The following PIKFYVE variants were observed in gnomAD, a reference collection of about 807,000 sequenced individuals.
The protein encoded by PIKFYVE is phosphoinositide kinase, FYVE-type zinc finger containing, also known as 1-phosphatidylinositol 3-phosphate 5-kinase.
Under a neutral mutation model 257.9 loss-of-function variants are expected in PIKFYVE, and 122 were observed. The ratio of observed to expected loss-of-function variants is 0.47; its 90% CI spans 0.41 to 0.55. PIKFYVE has a LOEUF of 0.55. Among genes scored for constraint, PIKFYVE ranks in the 20% least tolerant of loss-of-function variants. The pLI is 0.00. For missense variants in PIKFYVE, 2,160 were observed against 2,536.6 expected (o/e 0.85, Z 3.19); for synonymous variants, 892 against 868.9 (o/e 1.03, Z -0.47).
At chr2:208,326,682 G>A (rs947465482) in intron 20 of PIKFYVE, among the ~76,000 whole-genome samples, 8 of 152,230 alleles carry the variant, frequency 5.3e-5, no homozygotes, top group Non-Finnish European at 7.3e-5. Context: ...GATCCCTGAA[G>A]TAAGGGGAAA....
At chr2:208,273,767 A>T in intron 3 of PIKFYVE, 34 bp downstream of exon 3, 1 of 1,611,858 alleles carries the variant, frequency 6.2e-7, no homozygotes, top group South Asian at 1.1e-5. Context: ...TCCCTTCTAT[A>T]TGCTAGATTT....
intron 6 of PIKFYVE, among the ~76,000 whole-genome samples, chr2:208,287,911 A>C (rs555094830): frequency 6.7e-6 from 1 of 149,928 alleles, no homozygotes; most frequent in African/African-American, 2.4e-5. Context: ...ACATTGCTTC[A>C]TGAATACTTT....
At chr2:208,287,636 T>A (rs542711642) in intron 6 of PIKFYVE, among the ~76,000 whole-genome samples, 14 of 152,168 alleles carry the variant, frequency 9.2e-5, no homozygotes, top group Non-Finnish European at 1.9e-4. Flanking sequence ...AGTCTCGCTC[T>A]GTCACCCAGG....
At position 208,315,232 on chromosome 2, in the gene PIKFYVE, G is replaced by T; in HGVS notation, c.1866G>T (p.Gln622His). The T allele has an allele frequency of 6.2e-7, 1 of 1,614,102 alleles. No individual in the cohort carries two copies. The highest frequency in any genetic ancestry group is 8.5e-7 in the Non-Finnish European group (1 of 1,179,992). The part of the protein sequence containing the change: ...NHNHMMALLQ[Q>H]LLHSDSLSSS... ...ACCACATGATGGCACTACTCCAGCA[G>T]TTGCTCCATAGTGACTCACTGTCAT... is the stretch of plus-strand genomic sequence containing the variant. The change falls in exon 15 of 42, where the codon CAG becomes CAT. Residue 622 changes from glutamine (Q) to histidine (H), a missense_variant. This residue lies in a region of PIKFYVE where 346 missense variants were observed against 365.6 expected (regional missense o/e 0.95). Transcript: ENST00000264380.
chr2:208,330,760 T>TC, intron 23 of PIKFYVE, 66 bp downstream of exon 23: 2 of 1,357,134 alleles, frequency 1.5e-6, no homozygotes, highest in South Asian at 1.3e-5. Context: ...TTTTTTTTTT[T>TC]CCTGAGGAGG....
Position 208,305,210 on chromosome 2 carries a change from T to C in PIKFYVE, c.1636+197T>C, listed in dbSNP as rs1694180675. Reference sequence around the variant, plus strand: ...TGGTTGATTCCTTTTATTTCTTGTTTTCTCCCTCAGCACCACCATGCCCAG... The same window carrying C: ...TGGTTGATTCCTTTTATTTCTTGTTCTCTCCCTCAGCACCACCATGCCCAG... On this transcript the variant is annotated intron_variant, in intron 12 of 41. Transcript: ENST00000264380. 1.2e-5 allele frequency: 18 copies of C among 1,473,804 alleles called. No individual in the cohort carries two copies. In the South Asian group the frequency reaches 2.4e-4, roughly 20 times the overall value. 91.3% of individuals were successfully genotyped at this position (1,473,804 alleles called of 1,614,324 possible).
At chr2:208,342,422 A>T in intron 31 of PIKFYVE, 132 bp from the exon 32 acceptor site, 1 of 698,720 alleles carries the variant, frequency 1.4e-6, no homozygotes, top group Non-Finnish European at 2.4e-6. Flanking sequence ...ATTGCCTTCA[A>T]AAACTTTCTC....
At chr2:208,348,114 C>T in intron 35 of PIKFYVE, 91 bp downstream of exon 35, 4 of 1,493,912 alleles carry the variant, frequency 2.7e-6, no homozygotes, top group Non-Finnish European at 3.7e-6. Context: ...ATAGATAATT[C>T]TTAGTGCTGA....
chr2:208,309,576 C>T (rs183781692), intron 12 of PIKFYVE, among the ~76,000 whole-genome samples: 4 of 152,162 alleles, frequency 2.6e-5, no homozygotes, highest in Non-Finnish European at 5.9e-5. Flanking sequence ...ATCTGAAAAC[C>T]ATGCTAAGGA....
intron 7 of PIKFYVE, among the ~76,000 whole-genome samples, chr2:208,295,458 C>A (rs1692847902): frequency 6.6e-6 from 1 of 152,152 alleles, no homozygotes; most frequent in African/African-American, 2.4e-5. Context: ...TGATGCAGTT[C>A]AGAATCATAT....
chr2:208,279,427 G>GT (rs1002215843), intron 5 of PIKFYVE, among the ~76,000 whole-genome samples: 41 of 152,070 alleles, frequency 2.7e-4, no homozygotes, highest in African/African-American at 9.2e-4. Flanking sequence ...GTCAATTTTT[G>GT]TTTTTGTTGC....
intron 14 of PIKFYVE, 41 bp downstream of exon 14, chr2:208,314,464 T>C (rs762345785): frequency 1.9e-6 from 3 of 1,575,996 alleles, no homozygotes; most frequent in East Asian, 4.7e-5. Context: ...TTCACTTTTA[T>C]TATCTTCAGT....
intron 35 of PIKFYVE, among the ~76,000 whole-genome samples, chr2:208,348,663 G>T (rs1459534101): frequency 6.9e-6 from 1 of 144,592 alleles, no homozygotes; most frequent in African/African-American, 2.5e-5. Flanking sequence ...TTTGGGTATG[G>T]GTTTAGATCA....
chr2:208,358,745 TACTC>T (rs1262483915), exon 42 of PIKFYVE: 3 of 152,642 alleles, frequency 2.0e-5, no homozygotes, highest in Non-Finnish European at 4.4e-5. Context: ...AGAATCTACT[TACTC>T]CACTTAGTTT....
At chr2:208,342,913 G>C (rs1475053247) in intron 32 of PIKFYVE, among the ~76,000 whole-genome samples, 1 of 150,096 alleles carries the variant, frequency 6.7e-6, no homozygotes, top group Non-Finnish European at 1.5e-5. Flanking sequence ...TCCTGCCTCA[G>C]CCTCCCGAGT....
rs1396484010 is a variant in PIKFYVE at position 208,335,386 on chromosome 2, C to A, written c.4223C>A (p.Ser1408Tyr). 2 of 1,611,238 alleles carry A rather than the reference C, an allele frequency of 1.2e-6. No individual in the cohort carries two copies. Residue 1408 changes from serine (S) to tyrosine (Y), a missense_variant, in exon 25 of 42, where the codon TCC (serine) becomes TAC (tyrosine). By Grantham distance (144) the Ser-to-Tyr change is moderately radical. Transcript: ENST00000264380. ...AAGCGTCAGGCCCCATTAAAAGTGT[C>A]CCTTCTTCAGGATCTGAAGGACTTC... is the stretch of plus-strand genomic sequence containing the variant. ...FIKRQAPLKV[S>Y]LLQDLKDFFQ...
intron 34 of PIKFYVE, among the ~76,000 whole-genome samples, chr2:208,346,514 A>G (rs1286944292): frequency 6.6e-6 from 1 of 152,216 alleles, no homozygotes; most frequent in African/African-American, 2.4e-5. Flanking sequence ...ATAAATTTTC[A>G]TACATTCCCT....
intron 17 of PIKFYVE, among the ~76,000 whole-genome samples, chr2:208,320,994 G>T (rs759170103): frequency 6.6e-6 from 1 of 152,238 alleles, no homozygotes; most frequent in Non-Finnish European, 1.5e-5. Flanking sequence ...TCCATTTCTA[G>T]TTGTAGCGTT....
At position 208,283,581 on chromosome 2, in the gene PIKFYVE, G is replaced by GT. The variant is rs1553502753; in HGVS notation, c.614-2134dup. On this transcript the variant is annotated intron_variant, in intron 5 of 41. Coordinates refer to ENST00000264380, the MANE Select transcript of PIKFYVE (RefSeq NM_015040.4). ...TGCAGGGAGTAATTTCACTTCTTTTGTTTTTTTTTTTGGAGACTGAGTCTT... is the reference window on the plus strand; with the variant it reads ...TGCAGGGAGTAATTTCACTTCTTTTGTTTTTTTTTTTTGGAGACTGAGTCTT... Among the ~76,000 whole-genome samples, 225 of 146,612 alleles carry GT rather than the reference G, an allele frequency of 1.5e-3. 1 individual carries two copies. Among genetic ancestry groups the GT allele is most frequent in the African/African-American group, 1.4e-3 (58 of 40,358 alleles).
Sources: gnomAD v4.1 joint callset for allele counts (sites outside exome capture counted in the v4.1 genomes callset) on GRCh38, gnomAD v4.1.1 for gene constraint, gnomAD v4.1.1 regional missense constraint, MANE v1.5 for transcripts, NCBI Gene and HGNC (gene_info 2026-07-23, HGNC 2026-07-21) for gene names.